The following MED4 variants were observed in gnomAD, a reference collection of about 807,000 sequenced individuals.
MED4 encodes the protein mediator complex subunit 4.
MED4 carries 21 observed loss-of-function variants against 35.0 expected under a neutral mutation model. The ratio of observed to expected loss-of-function variants is 0.60; its 90% CI spans 0.43 to 0.86. MED4 has a LOEUF of 0.86. MED4 is among the 40% of genes least tolerant of loss of function. MED4 has a pLI of 0.00. For missense variants in MED4, 300 were observed against 319.4 expected (o/e 0.94, Z 0.46); for synonymous variants, 138 against 114.0 (o/e 1.21, Z -1.34).
At chr13:48,080,070 A>T in intron 5 of MED4, 95 bp from the exon 6 acceptor site, 1 of 1,392,982 alleles carries the variant, frequency 7.2e-7, no homozygotes, top group Non-Finnish European at 9.8e-7. Flanking sequence ...GTTCATGCTG[A>T]AAAGTTCAGG....
At chr13:48,079,013 T>C (rs548262237) in intron 6 of MED4, among the ~76,000 whole-genome samples, 1 of 151,980 alleles carries the variant, frequency 6.6e-6, no homozygotes, top group Admixed American at 6.5e-5. Context: ...TTCTACCACA[T>C]CAAAACAAAA....
rs140744936 is a variant in MED4, at chr13:48,088,738, T to C, written c.192+1614A>G. Among the ~76,000 whole-genome samples the C allele has an allele frequency of 3.8e-3, 586 of 152,332 alleles. 2 individuals are homozygous for C. Among genetic ancestry groups the C allele is most frequent in the African/African-American group, 0.013 (549 of 41,588 alleles). The stretch of plus-strand genomic sequence containing the variant: ...TCACCATTAACCTCTACCTCATCCG[T>C]CCACCCTGGAGCTTATTCTCACAGG... On this transcript the variant is annotated intron_variant, in intron 2 of 6. Transcript: ENST00000258648.
At chr13:48,084,585 A>C (rs565889513) in intron 3 of MED4, among the ~76,000 whole-genome samples, 1 of 152,314 alleles carries the variant, frequency 6.6e-6, no homozygotes, top group Non-Finnish European at 1.5e-5. Flanking sequence ...AGTGGATACA[A>C]TTATATGAAA....
intron 1 of MED4, chr13:48,093,515 T>A (rs1344765342): frequency 2.5e-6 from 1 of 406,608 alleles, no homozygotes; most frequent in Non-Finnish European, 5.1e-6. Flanking sequence ...ACTGACAAAC[T>A]TCACAGATCA....
chr13:48,075,882 G>C lies in MED4; in HGVS notation c.*1257C>G, dbSNP rs779362399. On this transcript the variant is annotated 3_prime_UTR_variant, in exon 7 of 7. Coordinates refer to ENST00000258648, the MANE Select transcript of MED4 (RefSeq NM_014166.4). ...CAAACATTGTATGTCCTTAATTCTA[G>C]ATGGTGAAAATATAAGATTAATCTC... 2 of 152,060 alleles carry C rather than the reference G, an allele frequency of 1.3e-5. No homozygotes were observed. The highest frequency in any genetic ancestry group is 2.9e-5 in the Non-Finnish European group (2 of 68,014). 9.4% of individuals were successfully genotyped at this position (152,060 alleles called of 1,614,324 possible). A position where few individuals can be genotyped will look rare whatever the true frequency, so the allele number is the denominator to read the frequency against.
At chr13:48,085,673 A>T (rs1038028028) in intron 3 of MED4, among the ~76,000 whole-genome samples, 1 of 152,176 alleles carries the variant, frequency 6.6e-6, no homozygotes, top group East Asian at 1.9e-4. Flanking sequence ...AAGCTCAGCT[A>T]TTTCTGCAAT....
At position 48,089,523 on chromosome 13, in the gene MED4, A is replaced by C. The variant is rs1299865777; in HGVS notation, c.192+829T>G. 3.3e-5 allele frequency among the ~76,000 whole-genome samples: 5 copies of C among 152,192 alleles called. No homozygotes were observed. In the East Asian group the frequency reaches 9.6e-4, roughly 29 times the overall value. ...AAGGTGGGGAGGATCCCTTGAGGAC[A>C]GGAGTTCAAGACAGTTCAAGACTGA... On this transcript the variant is annotated intron_variant, in intron 2 of 6. Transcript: ENST00000258648.
chr13:48,083,441 A>T lies in MED4; in HGVS notation c.364-13T>A. On this transcript the variant is annotated splice_polypyrimidine_tract_variant and intron_variant, in intron 3 of 6. Transcript: ENST00000258648. ...AAACAGCTGTTGCCTAATTTAAACA[A>T]CATTTAAAAAACGTGGTTTATTCTT... is the stretch of plus-strand genomic sequence containing the variant. 6.2e-7 allele frequency: 1 copy of T among 1,608,934 alleles called. No individual in the cohort carries two copies. The highest frequency in any genetic ancestry group is 8.5e-7 in the Non-Finnish European group (1 of 1,178,110).
At chr13:48,084,622 T>C (rs1320150763) in intron 3 of MED4, among the ~76,000 whole-genome samples, 4 of 152,158 alleles carry the variant, frequency 2.6e-5, no homozygotes, top group African/African-American at 9.6e-5. Flanking sequence ...TAAACAGTAA[T>C]TGAAAGTCTG....
chr13:48,093,132 A>G (rs570252648), intron 1 of MED4, among the ~76,000 whole-genome samples: 1 of 152,362 alleles, frequency 6.6e-6, no homozygotes, highest in Non-Finnish European at 1.5e-5. Context: ...TAAAATTTCC[A>G]TAGCGGTTAG....
intron 1 of MED4, among the ~76,000 whole-genome samples, chr13:48,091,912 C>T (rs1366630161): frequency 6.6e-6 from 1 of 151,988 alleles, no homozygotes; most frequent in Non-Finnish European, 1.5e-5. Flanking sequence ...GAGAAGTCAG[C>T]CAAGATGTCT....
rs1235265978 is a variant in MED4 at position 48,079,886 on chromosome 13, C to T, written c.598G>A (p.Gly200Ser). Residue 200 changes from glycine to serine, a missense_variant, in exon 6 of 7, where the codon GGC (glycine) becomes AGC (serine). Transcript: ENST00000258648. The part of the protein sequence containing the change: ...MNNPSTNGVN[G>S]HLPGDALAAG... ...GCAAGTGCATCTCCTGGTAAATGGCCATTCACGCCATTAGTGGAAGGATTG... is the reference window on the plus strand; with the variant it reads ...GCAAGTGCATCTCCTGGTAAATGGCTATTCACGCCATTAGTGGAAGGATTG... 1 of 1,613,768 alleles carries T rather than the reference C, an allele frequency of 6.2e-7. No homozygotes were observed. Among genetic ancestry groups the T allele is most frequent in the East Asian group, 2.2e-5 (1 of 44,894 alleles).
At position 48,078,838 on chromosome 13, in the gene MED4, A is replaced by G. The variant is rs142206180; in HGVS notation, c.640+1006T>C. ...GTACTTTAGGTAGCTAACAAAAATG[A>G]TGCATACAAAGCATTATTAATGACA... On this transcript the variant is annotated intron_variant, in intron 6 of 6. Transcript: ENST00000258648. Among the ~76,000 whole-genome samples, 12 of 152,318 alleles carry G rather than the reference A, an allele frequency of 7.9e-5. No individual in the cohort carries two copies. In the East Asian group the frequency reaches 2.3e-3, roughly 29 times the overall value.
At chr13:48,086,137 C>A in intron 3 of MED4, 145 bp downstream of exon 3, 1 of 703,968 alleles carries the variant, frequency 1.4e-6, no homozygotes, top group South Asian at 2.0e-5. Flanking sequence ...TTTCATTTAA[C>A]CACTGGCAAT....
At chr13:48,089,115 C>T (rs1190681097) in intron 2 of MED4, among the ~76,000 whole-genome samples, 1 of 152,152 alleles carries the variant, frequency 6.6e-6, no homozygotes, top group Non-Finnish European at 1.5e-5. Flanking sequence ...TTTAATCCCA[C>T]GGGTATTAAC....
At chr13:48,077,456 A>G in intron 6 of MED4, 145 bp from the exon 7 acceptor site, 1 of 670,848 alleles carries the variant, frequency 1.5e-6, no homozygotes, top group Non-Finnish European at 2.2e-6. Flanking sequence ...TCATTCTGTC[A>G]CCCAGGCTTG....
intron 2 of MED4, 79 bp from the exon 3 acceptor site, chr13:48,086,531 G>C (rs1950849929): frequency 7.7e-7 from 1 of 1,304,098 alleles, no homozygotes; most frequent in Non-Finnish European, 1.1e-6. Flanking sequence ...ATCCGTAACT[G>C]AATTGGCTAG....
At chr13:48,087,381 A>G (rs767166394) in intron 2 of MED4, among the ~76,000 whole-genome samples, 16 of 152,134 alleles carry the variant, frequency 1.1e-4, no homozygotes, top group Admixed American at 3.3e-4. Flanking sequence ...ATATATGTAT[A>G]TATAAATAAT....
Position 48,095,009 on chromosome 13 carries a change from T to C in MED4, c.70A>G (p.Asn24Asp), listed in dbSNP as rs539154677. The change falls in exon 1 of 7, where the codon AAC becomes GAC. Residue 24 changes from asparagine to aspartate, a missense_variant. Asn to Asp is a conservative substitution (Grantham distance 23). Coordinates refer to ENST00000258648, the MANE Select transcript of MED4 (RefSeq NM_014166.4). ...LGGGLGVAGG[N>D]STRERLLSAL... ...GACAGCAGCCGCTCTCGTGTGCTGT[T>C]ACCACCCGCCACTCCCAAACCGCCT... 3 of 1,603,706 alleles carry C rather than the reference T, an allele frequency of 1.9e-6. No individual in the cohort carries two copies. Among genetic ancestry groups the C allele is most frequent in the South Asian group, 2.2e-5 (2 of 91,062 alleles).
Sources: allele counts gnomAD v4.1 joint callset (sites outside exome capture counted in the v4.1 genomes callset), GRCh38; gene constraint gnomAD v4.1.1; transcripts MANE v1.5; gene names NCBI Gene and HGNC (gene_info 2026-07-23, HGNC 2026-07-21).